The following EML1 variants were observed in gnomAD, a reference collection of about 807,000 sequenced individuals.
The protein encoded by EML1 is EMAP like 1, also known as echinoderm microtubule-associated protein-like 1.
In EML1, 27 loss-of-function variants were observed where a neutral mutation model predicts 110.4. That is an observed-to-expected ratio of 0.24 (90% CI 0.18 to 0.34). The LOEUF is 0.34. EML1 is among the 10% of genes least tolerant of loss of function. EML1 has a pLI of 1.00. For missense variants in EML1, 741 were observed against 1,030.9 expected, an observed-to-expected ratio of 0.72 and a Z score of 3.85; for synonymous variants, 344 against 385.8, an observed-to-expected ratio of 0.89 and a Z score of 1.27.
intron 16 of EML1, among the ~76,000 whole-genome samples, chr14:99,919,003 C>T (rs753029969): frequency 6.6e-5 from 10 of 152,082 alleles, no homozygotes; most frequent in Non-Finnish European, 8.8e-5. Flanking sequence ...GTCTTTGAGC[C>T]GGTTACATAA....
upstream of EML1, among the ~76,000 whole-genome samples, chr14:99,769,301 C>T (rs2057398769): frequency 6.6e-6 from 1 of 152,192 alleles, no homozygotes; most frequent in South Asian, 2.1e-4. Flanking sequence ...GGTGTCAGCA[C>T]ACAGACAGGG....
rs2059832726 is a variant in EML1, at chr14:99,905,633, A to G, written c.1009-2005A>G. Among the ~76,000 whole-genome samples, 1 of 152,212 alleles carries G rather than the reference A, an allele frequency of 6.6e-6. No homozygotes were observed. Among genetic ancestry groups the G allele is most frequent in the Non-Finnish European group, 1.5e-5 (1 of 68,032 alleles). On this transcript the variant is annotated intron_variant, in intron 9 of 21. Transcript: ENST00000262233. This position sits in a 1 kb window ranked among gnomAD's most constrained non-coding sequence, Gnocchi z 4.1. ...TGTCCCATGATCTTGTACATGCCTA[A>G]TTCTGTCACCCTTAGCCATCAGCAA...
intron 1 of EML1, among the ~76,000 whole-genome samples, chr14:99,843,340 T>G (rs1047278522): frequency 6.6e-6 from 1 of 152,380 alleles, no homozygotes; most frequent in South Asian, 2.1e-4. Context: ...TAATTTCTAA[T>G]TATTCAGTGC....
intron 1 of EML1, among the ~76,000 whole-genome samples, chr14:99,761,046 G>A (rs2057308997): frequency 6.6e-6 from 1 of 152,088 alleles, no homozygotes; most frequent in Admixed American, 6.6e-5. Flanking sequence ...TTTTCTCTGT[G>A]CCAGACACTG....
intron 4 of EML1, among the ~76,000 whole-genome samples, chr14:99,880,059 A>G (rs1274053410): frequency 6.6e-6 from 1 of 152,240 alleles, no homozygotes; most frequent in Non-Finnish European, 1.5e-5. Flanking sequence ...GAAATGCCAC[A>G]GTAGGAAATT....
At chr14:99,935,781 C>CAAAAAAAAAAAAAAA (rs1160100015) in intron 17 of EML1, among the ~76,000 whole-genome samples, 5 of 83,712 alleles carry the variant, frequency 6.0e-5, no homozygotes, top group Admixed American at 2.6e-4. Flanking sequence ...GACTCCGTCT[C>CAAAAAAAAAAAAAAA]AAAAAAAAAA....
At chr14:99,865,706 A>G (rs947695009) in intron 3 of EML1, 60 bp downstream of exon 3, 262 of 1,566,464 alleles carry the variant, frequency 1.7e-4, no homozygotes, top group Non-Finnish European at 2.1e-4. Flanking sequence ...AGATTCCAAC[A>G]TGAGTATTAC....
At chr14:99,925,662 G>C (rs2060220897) in intron 17 of EML1, among the ~76,000 whole-genome samples, 1 of 152,204 alleles carries the variant, frequency 6.6e-6, no homozygotes, top group Non-Finnish European at 1.5e-5. Context: ...AGGTTGAAGG[G>C]CATGTTCAAA....
At chr14:99,916,114 G>A (rs1438795428) in intron 15 of EML1, among the ~76,000 whole-genome samples, 1 of 152,230 alleles carries the variant, frequency 6.6e-6, no homozygotes, top group Non-Finnish European at 1.5e-5. Context: ...TCCTTTACCA[G>A]GCTGTTAATC....
intron 1 of EML1, among the ~76,000 whole-genome samples, chr14:99,830,429 T>C (rs1172880189): frequency 6.6e-6 from 1 of 152,246 alleles, no homozygotes; most frequent in African/African-American, 2.4e-5. Flanking sequence ...ATACCTGGCT[T>C]TCCAGGAAGC....
intron 3 of EML1, among the ~76,000 whole-genome samples, chr14:99,871,950 A>G (rs1054730183): frequency 6.6e-6 from 1 of 152,192 alleles, no homozygotes; most frequent in Non-Finnish European, 1.5e-5. Flanking sequence ...TGCGCCTTCC[A>G]TTGTGCTCGG....
At chr14:99,867,560 GTATTT>G (rs766876914) in intron 3 of EML1, among the ~76,000 whole-genome samples, 1 of 152,070 alleles carries the variant, frequency 6.6e-6, no homozygotes, top group Non-Finnish European at 1.5e-5. Flanking sequence ...TTATTCCTAA[GTATTT>G]TATCCTTTTT....
At chr14:99,814,410 C>G (rs916964235) in intron 1 of EML1, among the ~76,000 whole-genome samples, 2 of 152,016 alleles carry the variant, frequency 1.3e-5, no homozygotes, top group African/African-American at 4.8e-5. Context: ...TACAAATGTG[C>G]CCCACCAAGT....
At position 99,936,203 on chromosome 14, in the gene EML1, A is replaced by T. The variant is rs2060468141; in HGVS notation, c.2008-44A>T. ...CTACCGTGGAACAGTGTTGGCAGGG[A>T]CTTCTAAGGCCAATGAAATGAAGAC... is the stretch of plus-strand genomic sequence containing the variant. On this transcript the variant is annotated intron_variant, in intron 18 of 21. Transcript: ENST00000262233. This position sits in a 1 kb window ranked among gnomAD's most constrained non-coding sequence, Gnocchi z 5.5. The T allele has an allele frequency of 6.2e-7, 1 of 1,612,504 alleles. No individual in the cohort carries two copies. Among genetic ancestry groups the T allele is most frequent in the Non-Finnish European group, 8.5e-7 (1 of 1,178,562 alleles).
chr14:99,737,783 C>G (rs2140154465), exon 1 of EML1: 3 of 1,288,708 alleles, frequency 2.3e-6, no homozygotes, highest in Non-Finnish European at 2.0e-6. Flanking sequence ...CGCTGAGGCT[C>G]TGAGTGACCC....
chr14:99,906,558 G>A (rs2059850678), intron 9 of EML1, among the ~76,000 whole-genome samples: 1 of 152,168 alleles, frequency 6.6e-6, no homozygotes, highest in Admixed American at 6.5e-5. Flanking sequence ...GTGGGATTTA[G>A]CCAGCTTCTT....
intron 19 of EML1, among the ~76,000 whole-genome samples, 200 bp from the exon 20 acceptor site, chr14:99,937,617 C>T (rs922918930): frequency 3.3e-5 from 5 of 152,138 alleles, no homozygotes; most frequent in African/African-American, 7.2e-5. Flanking sequence ...GGCACCTCCA[C>T]CCAGGCCCAT....
intron 8 of EML1, among the ~76,000 whole-genome samples, chr14:99,898,603 T>C (rs548873381): frequency 6.6e-6 from 1 of 152,172 alleles, no homozygotes; most frequent in African/African-American, 2.4e-5. Context: ...AATACAAAAA[T>C]TAGCCAGGCG....
At chr14:99,899,728 A>C (rs1450020679) in intron 8 of EML1, among the ~76,000 whole-genome samples, 1 of 150,250 alleles carries the variant, frequency 6.7e-6, no homozygotes, top group South Asian at 2.1e-4. Flanking sequence ...TTTTTTTTTT[A>C]ATGTTAAATG....
Sources: gnomAD v4.1 joint callset for allele counts (sites outside exome capture counted in the v4.1 genomes callset) on GRCh38, gnomAD v4.1.1 for gene constraint, Gnocchi (gnomAD v3.1) non-coding constraint, MANE v1.5 for transcripts, NCBI Gene and HGNC (gene_info 2026-07-23, HGNC 2026-07-21) for gene names.